The following FSTL5 variants were observed in gnomAD, a reference collection of about 807,000 sequenced individuals.
FSTL5 encodes the protein follistatin-related protein 5.
FSTL5 carries 62 observed loss-of-function variants against 89.1 expected under a neutral mutation model. The ratio of observed to expected loss-of-function variants is 0.70; its 90% CI spans 0.57 to 0.86. The LOEUF is 0.86. Among genes scored for constraint, FSTL5 ranks in the 40% least tolerant of loss-of-function variants. FSTL5 has a pLI of 0.00. For synonymous variants in FSTL5, 383 were observed against 346.2 expected, an observed-to-expected ratio of 1.11 and a Z score of -1.18; for missense variants, 1,057 against 1,001.6, an observed-to-expected ratio of 1.06 and a Z score of -0.75.
At chr4:161,931,935 A>G (rs1440697018) in intron 3 of FSTL5, among the ~76,000 whole-genome samples, 4 of 151,972 alleles carry the variant, frequency 2.6e-5, no homozygotes, top group South Asian at 2.1e-4. Flanking sequence ...AACATCTTCA[A>G]TTGTACCAGT....
chr4:161,897,286 G>A (rs886864991), intron 4 of FSTL5, among the ~76,000 whole-genome samples: 3 of 151,428 alleles, frequency 2.0e-5, no homozygotes, highest in African/African-American at 7.3e-5. Context: ...ATATTCTAAT[G>A]GTATGTATAT....
chr4:161,759,302 A>G (rs1740694460), intron 6 of FSTL5, 109 bp downstream of exon 6: 1 of 1,025,430 alleles, frequency 9.8e-7, no homozygotes, highest in Non-Finnish European at 1.4e-6. Context: ...AAATTATATA[A>G]TTTTTCTTAA....
chr4:161,493,556 C>T (rs1729957726), intron 12 of FSTL5, among the ~76,000 whole-genome samples: 1 of 151,944 alleles, frequency 6.6e-6, no homozygotes, highest in Non-Finnish European at 1.5e-5. Context: ...CTTTAAGACA[C>T]ATCTAATATG....
intron 7 of FSTL5, among the ~76,000 whole-genome samples, chr4:161,607,345 C>T (rs72687584): frequency 0.17 from 26,261 of 151,984 alleles, 2,372 homozygotes; most frequent in Middle Eastern, 0.32. Flanking sequence ...GTTGTTGACC[C>T]AGCTGCCTTT....
intron 7 of FSTL5, among the ~76,000 whole-genome samples, chr4:161,622,410 A>G (rs1015058497): frequency 1.1e-4 from 17 of 152,170 alleles, no homozygotes; most frequent in African/African-American, 3.9e-4. Flanking sequence ...ACGTAAAAAC[A>G]TAACAAACAC....
chr4:161,982,683 G>A (rs1263861096), intron 3 of FSTL5, among the ~76,000 whole-genome samples: 1 of 152,166 alleles, frequency 6.6e-6, no homozygotes. Flanking sequence ...GTACATTCAA[G>A]TATGGTGTTC....
intron 4 of FSTL5, among the ~76,000 whole-genome samples, chr4:161,844,593 G>A (rs1191769160): frequency 1.3e-5 from 2 of 152,114 alleles, no homozygotes; most frequent in Non-Finnish European, 2.9e-5. Context: ...ATACACCATG[G>A]AATACCATGC....
intron 3 of FSTL5, among the ~76,000 whole-genome samples, chr4:161,990,582 C>T (rs1435490059): frequency 6.6e-6 from 1 of 151,770 alleles, no homozygotes; most frequent in Non-Finnish European, 1.5e-5. Flanking sequence ...ATTACGTTAC[C>T]ATTATATTTA....
intron 15 of FSTL5, among the ~76,000 whole-genome samples, chr4:161,445,034 A>G (rs1413974363): frequency 6.6e-6 from 1 of 152,022 alleles, no homozygotes; most frequent in Non-Finnish European, 1.5e-5. Flanking sequence ...TAATAACCTT[A>G]GCAATAAGTA....
At chr4:161,445,449 T>C (rs1732913462) in intron 15 of FSTL5, among the ~76,000 whole-genome samples, 1 of 151,910 alleles carries the variant, frequency 6.6e-6, no homozygotes, top group South Asian at 2.1e-4. Context: ...TACTTGCATA[T>C]AGTTAGAAAA....
chr4:161,676,774 C>T (rs1190924790), intron 6 of FSTL5, among the ~76,000 whole-genome samples: 2 of 151,482 alleles, frequency 1.3e-5, no homozygotes, highest in Non-Finnish European at 2.9e-5. Flanking sequence ...CACACACATA[C>T]ACACAGAGTA....
At chr4:162,009,117 A>T (rs1736690304) in intron 3 of FSTL5, among the ~76,000 whole-genome samples, 1 of 152,114 alleles carries the variant, frequency 6.6e-6, no homozygotes, top group African/African-American at 2.4e-5. Flanking sequence ...GCCTTCTTAG[A>T]AATGCCATTT....
intron 4 of FSTL5, among the ~76,000 whole-genome samples, chr4:161,880,927 A>G (rs1393976386): frequency 2.0e-5 from 3 of 152,012 alleles, no homozygotes; most frequent in African/African-American, 7.2e-5. Flanking sequence ...AGCAAAGGAA[A>G]TTTTTTTGAG....
chr4:161,998,622 G>A (rs1461962050), intron 3 of FSTL5, among the ~76,000 whole-genome samples: 1 of 151,968 alleles, frequency 6.6e-6, no homozygotes, highest in Non-Finnish European at 1.5e-5. Flanking sequence ...TTTAACAAGT[G>A]TCTAGTACAA....
At chr4:161,696,444 GC>G (rs1418172446) in intron 6 of FSTL5, among the ~76,000 whole-genome samples, 4 of 152,002 alleles carry the variant, frequency 2.6e-5, no homozygotes, top group African/African-American at 4.8e-5. Context: ...TTATGCAGGT[GC>G]TTTTTGGTTC....
In FSTL5 at chr4:162,147,865, C is replaced by T. The variant is rs1006126818; in HGVS notation, c.-17+15750G>A. Among the ~76,000 whole-genome samples, 4 of 152,038 alleles carry T rather than the reference C, an allele frequency of 2.6e-5. No homozygotes were observed. The South Asian group carries it at 6.2e-4, about 24-fold the overall frequency. On this transcript the variant is annotated intron_variant, in intron 1 of 15. Coordinates refer to ENST00000306100, the MANE Select transcript of FSTL5 (RefSeq NM_020116.5). ...CTAAAACTACAAAAAATTAGCTGGG[C>T]GTGGTGGCAGGCACCTGTAATCCCA... is the stretch of plus-strand genomic sequence containing the variant.
chr4:161,980,846 G>A (rs956640309), intron 3 of FSTL5, among the ~76,000 whole-genome samples: 4 of 135,854 alleles, frequency 2.9e-5, no homozygotes, highest in Non-Finnish European at 3.1e-5. Flanking sequence ...GCGCGATCTC[G>A]GCACACTGCA....
chr4:162,043,323 G>A (rs1342472709), intron 2 of FSTL5: 1 of 152,136 alleles, frequency 6.6e-6, no homozygotes, highest in Non-Finnish European at 1.5e-5. Flanking sequence ...TGAGTCACCT[G>A]AATTTTGCAG....
At chr4:161,998,907 A>T (rs956249325) in intron 3 of FSTL5, among the ~76,000 whole-genome samples, 11 of 150,926 alleles carry the variant, frequency 7.3e-5, no homozygotes, top group African/African-American at 2.4e-4. Flanking sequence ...TCAGGTTGGA[A>T]TTTGGTATCT....
Sources: gnomAD v4.1 joint callset for allele counts (sites outside exome capture counted in the v4.1 genomes callset) on GRCh38, gnomAD v4.1.1 for gene constraint, MANE v1.5 for transcripts, NCBI Gene and HGNC (gene_info 2026-07-23, HGNC 2026-07-21) for gene names.